The following SLC24A2 variants were observed in gnomAD, a reference collection of about 807,000 sequenced individuals.
SLC24A2 encodes the protein solute carrier family 24 member 2.
In SLC24A2, 36 loss-of-function variants were observed where a neutral mutation model predicts 62.0. That is an observed-to-expected ratio of 0.58 (90% CI 0.44 to 0.77). The LOEUF (loss-of-function observed/expected upper bound fraction) is 0.77, where lower values mean the gene tolerates loss of function less well. Ranked by LOEUF, SLC24A2 falls within the 30% of genes least tolerant of loss-of-function variation. SLC24A2 has a pLI of 0.00. For missense variants in SLC24A2, 846 were observed against 817.9 expected, an observed-to-expected ratio of 1.03 and a Z score of -0.42; for synonymous variants, 358 against 294.0, an observed-to-expected ratio of 1.22 and a Z score of -2.23.
At chr9:20,113,733 T>G in the SLC24A2 span, among the ~76,000 whole-genome samples, 1 of 152,188 alleles carries the variant, frequency 6.6e-6, no homozygotes, top group Non-Finnish European at 1.5e-5. Context: ...TCTTGCCTTT[T>G]GCCTATTTTC....
At chr9:19,899,550 G>A in the SLC24A2 span, among the ~76,000 whole-genome samples, 2 of 152,126 alleles carry the variant, frequency 1.3e-5, no homozygotes, top group African/African-American at 2.4e-5. Context: ...TGAAAGCTTG[G>A]GGCAGTGATA....
At chr9:20,069,371 G>A in the SLC24A2 span, among the ~76,000 whole-genome samples, 97 of 152,210 alleles carry the variant, frequency 6.4e-4, 2 homozygotes, top group South Asian at 0.019. Flanking sequence ...TCCCGTGACA[G>A]CACTTATAAG....
chr9:20,119,341 AT>A, the SLC24A2 span, among the ~76,000 whole-genome samples: 1 of 152,110 alleles, frequency 6.6e-6, no homozygotes, highest in African/African-American at 2.4e-5. Context: ...TTTTTTTGTA[AT>A]TTGTTATGCC....
intron 2 of SLC24A2, among the ~76,000 whole-genome samples, chr9:19,623,570 C>A (rs1245916646): frequency 1.3e-5 from 2 of 152,032 alleles, no homozygotes; most frequent in Non-Finnish European, 2.9e-5. Flanking sequence ...TTGCTATGTG[C>A]CAATCATTTA....
At position 19,606,205 on chromosome 9, in the gene SLC24A2, G is replaced by GA. The variant is rs906558514; in HGVS notation, c.1079-8927dup. 9.9e-5 allele frequency among the ~76,000 whole-genome samples: 15 copies of GA among 151,128 alleles called. No homozygotes were observed. In the East Asian group the frequency reaches 1.7e-3, roughly 18 times the overall value. ...CATCACCTATGGAAATGTGTTGCATGAAAAAAAAATCCATAACTGGATAAA... is the reference window on the plus strand; with the variant it reads ...CATCACCTATGGAAATGTGTTGCATGAAAAAAAAAATCCATAACTGGATAAA... On this transcript the variant is annotated intron_variant, in intron 4 of 10. Transcript: ENST00000341998.
chr9:19,961,149 G>C, the SLC24A2 span, among the ~76,000 whole-genome samples: 1 of 150,404 alleles, frequency 6.6e-6, no homozygotes, highest in East Asian at 2.1e-4. Context: ...GGGAGAGAGA[G>C]AGAGAGAGAG....
chr9:19,691,723 G>T (rs747090027), intron 2 of SLC24A2, among the ~76,000 whole-genome samples: 27 of 152,084 alleles, frequency 1.8e-4, no homozygotes, highest in Non-Finnish European at 3.1e-4. Context: ...AATGTTTGTG[G>T]TACCACCTAA....
chr9:19,636,314 CTTTTCTTTCTTTCTTTCTTTCTTTCTTT>C lies in SLC24A2; in HGVS notation c.931-14043_931-14016del, dbSNP rs1818326074. On this transcript the variant is annotated intron_variant, in intron 2 of 10. Transcript: ENST00000341998. ...CTTTTCTTTTCTTTTCTTTTCTTTT[CTTTTCTTTCTTTCTTTCTTTCTTTCTTT>C]CTTTCTTTCTTTCTTTCTTTCTTTC... Among the ~76,000 whole-genome samples the C allele has an allele frequency of 3.8e-4, 8 of 21,242 alleles. 1 individual carries two copies. The highest frequency in any genetic ancestry group is 5.7e-4 in the Non-Finnish European group (6 of 10,606). 13.9% of individuals were successfully genotyped at this position (21,242 alleles called of 152,430 possible).
At chr9:19,797,174 C>G in the SLC24A2 span, among the ~76,000 whole-genome samples, 1 of 152,102 alleles carries the variant, frequency 6.6e-6, no homozygotes, top group African/African-American at 2.4e-5. Context: ...TCTTATGTCT[C>G]TGAGATAATG....
chr9:20,126,291 G>A, the SLC24A2 span, among the ~76,000 whole-genome samples: 1 of 152,116 alleles, frequency 6.6e-6, no homozygotes, highest in Non-Finnish European at 1.5e-5. Flanking sequence ...TTATGAAAAT[G>A]TTCATAGTTC....
chr9:19,665,586 C>T (rs541449347), intron 2 of SLC24A2, among the ~76,000 whole-genome samples: 23 of 152,184 alleles, frequency 1.5e-4, no homozygotes, highest in African/African-American at 1.9e-4. Context: ...AGCTAAGAGA[C>T]GTCGGGTGAA....
chr9:19,888,893 A>T, the SLC24A2 span, among the ~76,000 whole-genome samples: 1 of 152,144 alleles, frequency 6.6e-6, no homozygotes, highest in African/African-American at 2.4e-5. Flanking sequence ...CACAAGCACA[A>T]ATTGGAACCT....
intron 7 of SLC24A2, among the ~76,000 whole-genome samples, chr9:19,563,228 A>G (rs1294678183): frequency 2.0e-5 from 3 of 152,034 alleles, no homozygotes; most frequent in Non-Finnish European, 4.4e-5. Flanking sequence ...AGACATAAAT[A>G]CACACACACC....
the SLC24A2 span, among the ~76,000 whole-genome samples, chr9:19,918,797 G>T: frequency 6.6e-6 from 1 of 152,194 alleles, no homozygotes; most frequent in Non-Finnish European, 1.5e-5. Flanking sequence ...GCCAGATGCT[G>T]CCTTGTCTGC....
the SLC24A2 span, among the ~76,000 whole-genome samples, chr9:19,924,793 A>G: frequency 2.4e-4 from 37 of 152,228 alleles, no homozygotes; most frequent in Non-Finnish European, 4.4e-4. Context: ...AGTAACCACC[A>G]AACTGCCTAG....
chr9:19,829,000 C>G, the SLC24A2 span, among the ~76,000 whole-genome samples: 1 of 152,166 alleles, frequency 6.6e-6, no homozygotes, highest in Non-Finnish European at 1.5e-5. Context: ...TACTAATTCC[C>G]AGACCGACTG....
the SLC24A2 span, among the ~76,000 whole-genome samples, chr9:20,140,952 C>T: frequency 4.6e-3 from 702 of 152,272 alleles, 2 homozygotes; most frequent in Non-Finnish European, 7.1e-3. Flanking sequence ...TCAAATCAAT[C>T]TCCTTGTCTC....
chr9:20,057,701 G>C, the SLC24A2 span, among the ~76,000 whole-genome samples: 1 of 152,116 alleles, frequency 6.6e-6, no homozygotes, highest in Non-Finnish European at 1.5e-5. Context: ...AGATGCAGAG[G>C]TTCCTCTTCT....
At chr9:20,291,205 C>T in the SLC24A2 span, among the ~76,000 whole-genome samples, 5 of 151,908 alleles carry the variant, frequency 3.3e-5, no homozygotes, top group Admixed American at 6.6e-5. Flanking sequence ...GCAATATGGA[C>T]GTGGAAAACA....
Sources: allele counts gnomAD v4.1 joint callset (sites outside exome capture counted in the v4.1 genomes callset), GRCh38; gene constraint gnomAD v4.1.1; transcripts MANE v1.5; gene names NCBI Gene and HGNC (gene_info 2026-07-23, HGNC 2026-07-21).